Variants in VAC14 observed in about 807,000 individuals in gnomAD.
VAC14 encodes VAC14 component of PIKFYVE complex, also known as protein VAC14 homolog.
VAC14 carries 47 observed loss-of-function variants against 85.3 expected under a neutral mutation model. The observed-to-expected ratio is 0.55, with a 90% CI of 0.44 to 0.70. VAC14 has a LOEUF of 0.70. Among genes scored for constraint, VAC14 ranks in the 30% least tolerant of loss-of-function variants. The pLI is 0.00. For synonymous variants in VAC14, 447 were observed against 430.5 expected, an observed-to-expected ratio of 1.04 and a Z score of -0.47; for missense variants, 861 against 1,004.3, an observed-to-expected ratio of 0.86 and a Z score of 1.93.
chr16:70,786,982 G>A (rs558850550), intron 1 of VAC14, among the ~76,000 whole-genome samples: 4 of 152,296 alleles, frequency 2.6e-5, no homozygotes, highest in East Asian at 1.9e-4. Context: ...AGAGCACCTC[G>A]GGCATAGGGA....
intron 14 of VAC14, among the ~76,000 whole-genome samples, chr16:70,702,462 C>T (rs763778753): frequency 3.9e-5 from 6 of 152,170 alleles, no homozygotes; most frequent in South Asian, 2.1e-4. Flanking sequence ...ATGCTCCAGC[C>T]GCTCGCTCAA....
chr16:70,707,840 C>T (rs2053951219), intron 14 of VAC14, among the ~76,000 whole-genome samples: 1 of 151,546 alleles, frequency 6.6e-6, no homozygotes, highest in Non-Finnish European at 1.5e-5. Flanking sequence ...CTCTGTCATC[C>T]AGTGCAGTGG....
chr16:70,788,320 T>C (rs2034165271), intron 1 of VAC14, among the ~76,000 whole-genome samples: 1 of 152,214 alleles, frequency 6.6e-6, no homozygotes, highest in African/African-American at 2.4e-5. Flanking sequence ...GCACCTATCA[T>C]GCGCCAGGCA....
chr16:70,690,881 G>T, intron 18 of VAC14: 1 of 985,502 alleles, frequency 1.0e-6, no homozygotes. Context: ...GGGGGTCCAG[G>T]GCATTGAAGG....
intron 14 of VAC14, among the ~76,000 whole-genome samples, chr16:70,728,560 G>A (rs2054496607): frequency 6.6e-6 from 1 of 152,210 alleles, no homozygotes; most frequent in Admixed American, 6.5e-5. Flanking sequence ...GCAGTGGGCT[G>A]GCCTCCAGCT....
intron 12 of VAC14, 147 bp from the exon 13 acceptor site, chr16:70,744,726 A>G: frequency 1.1e-6 from 1 of 890,808 alleles, no homozygotes; most frequent in Non-Finnish European, 1.6e-6. Context: ...CACTAAGGCC[A>G]CAGCTGGGGC....
At chr16:70,703,479 G>A (rs1297220018) in intron 14 of VAC14, among the ~76,000 whole-genome samples, 4 of 152,172 alleles carry the variant, frequency 2.6e-5, no homozygotes, top group African/African-American at 9.7e-5. Context: ...GATGACTCAG[G>A]CACAGGCAGG....
At chr16:70,794,037 C>A (rs934173918) in intron 1 of VAC14, among the ~76,000 whole-genome samples, 9 of 152,218 alleles carry the variant, frequency 5.9e-5, no homozygotes, top group African/African-American at 2.2e-4. Context: ...GAGTCAGTGA[C>A]AGCAGGAGGC....
At chr16:70,696,870 G>A in intron 16 of VAC14, 2 of 402,486 alleles carry the variant, frequency 5.0e-6, no homozygotes, top group Middle Eastern at 7.7e-4. Context: ...TGCCGGGCTG[G>A]GCCTACTCAG....
intron 13 of VAC14, among the ~76,000 whole-genome samples, chr16:70,740,901 G>A (rs547526187): frequency 6.6e-6 from 1 of 152,198 alleles, no homozygotes; most frequent in Non-Finnish European, 1.5e-5. Context: ...ACTCTGCCTC[G>A]GGGGGCCCTG....
chr16:70,748,383 C>T (rs1347411107), intron 12 of VAC14, among the ~76,000 whole-genome samples: 4 of 152,146 alleles, frequency 2.6e-5, no homozygotes, highest in East Asian at 1.9e-4. Context: ...TAATACAGGG[C>T]GGGTGCCAGG....
intron 9 of VAC14, chr16:70,778,959 C>T (rs1597998045): frequency 6.6e-6 from 1 of 152,176 alleles, no homozygotes; most frequent in Non-Finnish European, 1.5e-5. Flanking sequence ...CTTTGAAGGC[C>T]CGCACTAGCT....
intron 13 of VAC14, among the ~76,000 whole-genome samples, chr16:70,732,508 C>G (rs1458227308): frequency 6.6e-6 from 1 of 152,162 alleles, no homozygotes; most frequent in Admixed American, 6.5e-5. Flanking sequence ...CTTGGATGGT[C>G]TGGGGTAGCG....
At chr16:70,689,148 G>T in intron 18 of VAC14, 1 of 976,984 alleles carries the variant, frequency 1.0e-6, no homozygotes. Flanking sequence ...GCTTCCTAGC[G>T]GTGTGACTTG....
Position 70,762,425 on chromosome 16 carries a change from C to A in VAC14, c.1371+115G>T. ...ACCTGGCCCCAAAGTGAGTATTAAA[C>A]ACAGCTTTACCTCTAGGAAGGATGC... On this transcript the variant is annotated intron_variant, in intron 12 of 18. Transcript: ENST00000261776. The surrounding 1 kb of genome is among the most constrained non-coding windows in gnomAD (Gnocchi z 4.1). The A allele has an allele frequency of 8.9e-7, 1 of 1,127,790 alleles. No individual in the cohort carries two copies. The highest frequency in any genetic ancestry group is 1.4e-5 in the South Asian group (1 of 73,362). The allele number at this position is 1,127,790 out of a possible 1,614,324, so 69.9% of individuals were successfully genotyped here. A position where few individuals can be genotyped will look rare whatever the true frequency, so the allele number is the denominator to read the frequency against.
chr16:70,697,394 A>C (rs1597852167), intron 15 of VAC14, 137 bp from the exon 16 acceptor site: 10 of 645,288 alleles, frequency 1.5e-5, no homozygotes, highest in South Asian at 1.9e-5. Context: ...CCAGCTTAGC[A>C]CCCCGGCTGG....
intron 10 of VAC14, chr16:70,768,647 G>A (rs1018850918): frequency 3.0e-5 from 10 of 337,662 alleles, no homozygotes; most frequent in African/African-American, 1.8e-4. Context: ...TGAGGGAGGG[G>A]GAAGACAGCT....
chr16:70,783,816 A>G (rs955226427), intron 5 of VAC14, among the ~76,000 whole-genome samples: 2 of 152,234 alleles, frequency 1.3e-5, no homozygotes, highest in South Asian at 4.1e-4. Flanking sequence ...AGAAAAGGCT[A>G]GAAAAAGTGA....
chr16:70,743,608 T>C (rs531206201), intron 13 of VAC14, among the ~76,000 whole-genome samples: 1 of 152,086 alleles, frequency 6.6e-6, no homozygotes, highest in South Asian at 2.1e-4. Context: ...GGACACACCA[T>C]CTTTAAGAGC....
Sources: allele counts gnomAD v4.1 joint callset (sites outside exome capture counted in the v4.1 genomes callset), GRCh38; gene constraint gnomAD v4.1.1; non-coding constraint Gnocchi (gnomAD v3.1); transcripts MANE v1.5; gene names NCBI Gene and HGNC (gene_info 2026-07-23, HGNC 2026-07-21).